POLR3A: variants seen among roughly 807,000 people sequenced by gnomAD.
POLR3A encodes DNA-directed RNA polymerase III subunit RPC1.
A neutral mutation model predicts 152.8 loss-of-function variants in POLR3A; 112 were observed. That is an observed-to-expected ratio of 0.73 (90% CI 0.63 to 0.86). POLR3A has a LOEUF of 0.86. Among genes scored for constraint, POLR3A ranks in the 40% least tolerant of loss-of-function variants. The pLI is 0.00. For missense variants in POLR3A, 1,385 were observed against 1,743.1 expected, an observed-to-expected ratio of 0.79 and a Z score of 3.66; for synonymous variants, 615 against 652.1, an observed-to-expected ratio of 0.94 and a Z score of 0.87.
Position 77,991,110 on chromosome 10 carries a change from T to C in POLR3A, c.2845A>G (p.Thr949Ala), listed in dbSNP as rs1028253202. The change falls in exon 21 of 31, where the codon ACA becomes GCA. Residue 949 changes from threonine to alanine, a missense_variant. By Grantham distance (58) the Thr-to-Ala change is moderately conservative. Transcript: ENST00000372371. Reference protein sequence around the residue: ...ALSKNELILTTESIMKKSEFL... With the variant: ...ALSKNELILTAESIMKKSEFL... ...TCACTCTTCTTCATGATGGACTCTG[T>C]GGTCAGGATCAGCTCGTTTTTGCTG... 1 of 1,613,814 alleles carries C rather than the reference T, an allele frequency of 6.2e-7. No homozygotes were observed. Among genetic ancestry groups the C allele is most frequent in the African/African-American group, 1.3e-5 (1 of 74,924 alleles).
chr10:78,002,404 G>A (rs1176276147), intron 16 of POLR3A, 96 bp from the exon 17 acceptor site: 12 of 861,742 alleles, frequency 1.4e-5, no homozygotes, highest in East Asian at 2.6e-5. Flanking sequence ...TGAAAATACT[G>A]AGGCAAGATG....
chr10:78,002,745 C>T (rs1469771332), intron 16 of POLR3A, among the ~76,000 whole-genome samples: 3 of 152,042 alleles, frequency 2.0e-5, no homozygotes, highest in Non-Finnish European at 4.4e-5. Flanking sequence ...GCTATACTGC[C>T]CAGGTTGGAC....
At position 77,993,483 on chromosome 10, in the gene POLR3A, T is replaced by C. The variant is rs565132568; in HGVS notation, c.2617-116A>G. 6.7e-5 allele frequency: 52 copies of C among 780,694 alleles called. 2 individuals are homozygous for C. The South Asian group carries it at 7.5e-4, about 11-fold the overall frequency. 48.4% of individuals were successfully genotyped at this position (780,694 alleles called of 1,614,324 possible). ...TACAAGCACTTTAATCACATAAAAA[T>C]ACTTTATTAGAAACCCTTTAAAAAG... is the stretch of plus-strand genomic sequence containing the variant. On this transcript the variant is annotated intron_variant, in intron 19 of 30. Transcript: ENST00000372371.
At position 78,007,769 on chromosome 10, in the gene POLR3A, T is replaced by G; in HGVS notation, c.2007A>C (p.Arg669=). ...SKNNIFYILL[R]DWGQNEAADA... Reference sequence around the variant, plus strand: ...CTGCAGCTTCATTCTGTCCCCAGTCTCGCAGCAAAATGTAAAAAATATTGT... The same window carrying G: ...CTGCAGCTTCATTCTGTCCCCAGTCGCGCAGCAAAATGTAAAAAATATTGT... Residue 669 remains arginine, a synonymous_variant, in exon 15 of 31, where the codon CGA becomes CGC. Coordinates refer to ENST00000372371, the MANE Select transcript of POLR3A (RefSeq NM_007055.4). The G allele has an allele frequency of 6.2e-7, 1 of 1,614,118 alleles. No individual in the cohort carries two copies. The highest frequency in any genetic ancestry group is 8.5e-7 in the Non-Finnish European group (1 of 1,179,980).
chr10:77,985,422 C>G, intron 23 of POLR3A, 82 bp from the exon 24 acceptor site: 1 of 1,041,080 alleles, frequency 9.6e-7, no homozygotes, highest in East Asian at 2.4e-5. Context: ...TTCTGGTTAT[C>G]ACCTTTCAAC....
At chr10:78,008,586 G>C (rs143615291) in intron 14 of POLR3A, among the ~76,000 whole-genome samples, 3 of 152,334 alleles carry the variant, frequency 2.0e-5, no homozygotes, top group African/African-American at 4.8e-5. Context: ...GGAACTGTTT[G>C]GTAGTGGTCT....
chr10:78,006,460 A>G (rs1016426585), intron 15 of POLR3A, among the ~76,000 whole-genome samples: 2 of 151,632 alleles, frequency 1.3e-5, no homozygotes, highest in Non-Finnish European at 2.9e-5. Context: ...ATATTGAAAA[A>G]TAGTATTGGA....
chr10:78,022,217 C>G lies in POLR3A; in HGVS notation c.813G>C (p.Lys271Asn). ...TCAGATCATCTTCATTGGTGCCAGA[C>G]TTCAAATCACTCACAACGGAGGGTC... ...CIRPSVVSDL[K>N]SGTNEDDLTM... Residue 271 changes from lysine (K) to asparagine (N), a missense_variant, in exon 6 of 31, where the codon AAG (lysine) becomes AAC (asparagine). Lys to Asn is a moderately conservative substitution (Grantham distance 94). Transcript: ENST00000372371. 6.2e-7 allele frequency: 1 copy of G among 1,614,196 alleles called. No individual in the cohort carries two copies. Among genetic ancestry groups the G allele is most frequent in the Non-Finnish European group, 8.5e-7 (1 of 1,180,012 alleles).
At position 77,976,080 on chromosome 10, in the gene POLR3A, AG is replaced by A. The variant is rs1813839342; in HGVS notation, c.*1397del. ...ACCTTGTAGATGCAGGGAAATCAAA[AG>A]GTCAAACTATAATTTTTTATAAAAA... On this transcript the variant is annotated 3_prime_UTR_variant, in exon 31 of 31. Coordinates refer to ENST00000372371, the MANE Select transcript of POLR3A (RefSeq NM_007055.4). 1 of 152,042 alleles carries A rather than the reference AG, an allele frequency of 6.6e-6. No homozygotes were observed. Among genetic ancestry groups the A allele is most frequent in the Non-Finnish European group, 1.5e-5 (1 of 68,002 alleles). The allele number at this position is 152,042 out of a possible 1,614,324, so 9.4% of individuals were successfully genotyped here.
At chr10:78,000,817 C>T (rs1459231552) in intron 18 of POLR3A, among the ~76,000 whole-genome samples, 159 bp downstream of exon 18, 1 of 152,148 alleles carries the variant, frequency 6.6e-6, no homozygotes, top group Non-Finnish European at 1.5e-5. Flanking sequence ...AGACACTGTG[C>T]CCGGCCTGAA....
intron 15 of POLR3A, among the ~76,000 whole-genome samples, chr10:78,005,373 G>T (rs938818856): frequency 1.3e-5 from 2 of 152,342 alleles, no homozygotes; most frequent in East Asian, 1.9e-4. Context: ...CAGCTACTTG[G>T]GAGGTGGAGG....
At chr10:78,003,991 T>G (rs1847385234) in intron 16 of POLR3A, among the ~76,000 whole-genome samples, 1 of 151,772 alleles carries the variant, frequency 6.6e-6, no homozygotes, top group Admixed American at 6.6e-5. Flanking sequence ...ATCCCAGTAC[T>G]TTGGGAGGCC....
In POLR3A at chr10:78,027,708, G is replaced by A. The variant is rs991128891; in HGVS notation, c.45-1479C>T. On this transcript the variant is annotated intron_variant, in intron 1 of 30. Transcript: ENST00000372371. ...TGGGGTTACAGGCATACAGGCATGC[G>A]CCACCGCACCCAGCTAATTTTTGTA... Among the ~76,000 whole-genome samples the A allele has an allele frequency of 4.6e-5, 7 of 151,090 alleles. No individual in the cohort carries two copies. In the South Asian group the frequency reaches 1.0e-3, roughly 22 times the overall value.
intron 15 of POLR3A, 75 bp from the exon 16 acceptor site, chr10:78,004,963 G>A: frequency 8.8e-7 from 1 of 1,136,974 alleles, no homozygotes; most frequent in East Asian, 2.3e-5. Context: ...GTTTATGCCT[G>A]CTAGATATAG....
intron 21 of POLR3A, among the ~76,000 whole-genome samples, chr10:77,988,431 A>C (rs1847217601): frequency 1.3e-5 from 2 of 152,122 alleles, no homozygotes; most frequent in African/African-American, 4.8e-5. Context: ...CTGAGGCAGG[A>C]GAATCACTTG....
At chr10:77,983,036 G>A (rs1450275781) in intron 26 of POLR3A, among the ~76,000 whole-genome samples, 1 of 151,934 alleles carries the variant, frequency 6.6e-6, no homozygotes, top group Admixed American at 6.5e-5. Context: ...TTTCACCCAC[G>A]ACAAAATATT....
intron 15 of POLR3A, among the ~76,000 whole-genome samples, chr10:78,007,372 T>C (rs7895321): frequency 0.085 from 12,897 of 152,196 alleles, 1,748 homozygotes; most frequent in African/African-American, 0.29. Flanking sequence ...GAATCATGGA[T>C]AGCCCCAAGT....
At position 78,029,157 on chromosome 10, in the gene POLR3A, A is replaced by G. The variant is rs1040960213; in HGVS notation, c.44+207T>C. Among the ~76,000 whole-genome samples, 154 of 152,162 alleles carry G rather than the reference A, an allele frequency of 1.0e-3. 17 individuals carry two copies. The highest frequency in any genetic ancestry group is 5.9e-5 in the Non-Finnish European group (4 of 68,022). On this transcript the variant is annotated intron_variant, in intron 1 of 30. Coordinates refer to ENST00000372371, the MANE Select transcript of POLR3A (RefSeq NM_007055.4). ...CACTCCGACTTCTCCGCCCAAGTCC[A>G]GGGACCTCTCGAGGTGCTGAAATCC...
At position 78,004,087 on chromosome 10, in the gene POLR3A, A is replaced by T. The variant is rs542615269; in HGVS notation, c.2247+629T>A. On this transcript the variant is annotated intron_variant, in intron 16 of 30. Coordinates refer to ENST00000372371, the MANE Select transcript of POLR3A (RefSeq NM_007055.4). The stretch of plus-strand genomic sequence containing the variant: ...TGTCTCTACTAAAAATACAAAAATT[A>T]GCTGGTCATGGTGGCATGTGCCTGT... 1.7e-4 allele frequency among the ~76,000 whole-genome samples: 26 copies of T among 152,078 alleles called. No individual in the cohort carries two copies. In the East Asian group the frequency reaches 4.7e-3, roughly 27 times the overall value.
Sources: gnomAD v4.1 joint callset for allele counts (sites outside exome capture counted in the v4.1 genomes callset) on GRCh38, gnomAD v4.1.1 for gene constraint, MANE v1.5 for transcripts, NCBI Gene and HGNC (gene_info 2026-07-23, HGNC 2026-07-21) for gene names.